Variants in ST6GALNAC5 observed in about 807,000 individuals in gnomAD.
ST6GALNAC5 encodes the protein alpha-N-acetylgalactosaminide alpha-2,6-sialyltransferase 5.
ST6GALNAC5 carries 27 observed loss-of-function variants against 33.6 expected under a neutral mutation model. The ratio of observed to expected loss-of-function variants is 0.80; its 90% CI spans 0.59 to 1.11. The LOEUF (loss-of-function observed/expected upper bound fraction) is 1.11, where lower values mean the gene tolerates loss of function less well. Among genes scored for constraint, ST6GALNAC5 ranks in the 50% least tolerant of loss-of-function variants. The pLI, the probability that ST6GALNAC5 is intolerant of heterozygous loss-of-function variation, is 0.00. For synonymous variants in ST6GALNAC5, 194 were observed against 171.2 expected (o/e 1.13, Z -1.04); for missense variants, 428 against 454.0 (o/e 0.94, Z 0.52).
intron 2 of ST6GALNAC5, among the ~76,000 whole-genome samples, chr1:76,870,487 C>G (rs1051803149): frequency 3.3e-5 from 5 of 152,146 alleles, no homozygotes; most frequent in African/African-American, 1.2e-4. Context: ...CAGACACCAG[C>G]TAAGAATATT....
chr1:76,948,280 C>T (rs1410098701), intron 2 of ST6GALNAC5, among the ~76,000 whole-genome samples: 1 of 152,096 alleles, frequency 6.6e-6, no homozygotes, highest in African/African-American at 2.4e-5. Context: ...GGGTGGCCCA[C>T]AAGAGGATGT....
chr1:76,917,230 C>G (rs878963878), intron 2 of ST6GALNAC5, among the ~76,000 whole-genome samples: 6 of 152,080 alleles, frequency 3.9e-5, no homozygotes, highest in African/African-American at 1.2e-4. Flanking sequence ...TTGACTTTAA[C>G]CTAGAATGAG....
intron 2 of ST6GALNAC5, among the ~76,000 whole-genome samples, chr1:76,900,529 A>G (rs1646807764): frequency 6.6e-6 from 1 of 152,214 alleles, no homozygotes; most frequent in Non-Finnish European, 1.5e-5. Flanking sequence ...GCAAAATAAA[A>G]TGTTTATCAA....
chr1:77,056,334 A>G (rs1282281658), intron 4 of ST6GALNAC5, among the ~76,000 whole-genome samples: 1 of 152,192 alleles, frequency 6.6e-6, no homozygotes, highest in African/African-American at 2.4e-5. Context: ...TCCATTATAA[A>G]TTATTTGTGA....
intron 3 of ST6GALNAC5, among the ~76,000 whole-genome samples, chr1:77,048,238 C>T (rs759388018): frequency 1.8e-4 from 27 of 152,142 alleles, no homozygotes; most frequent in Non-Finnish European, 3.5e-4. Flanking sequence ...AGAGTTTCTG[C>T]CCTTGGAGAA....
rs183802438 is a variant in ST6GALNAC5 at position 76,900,951 on chromosome 1, A to G, written c.261+32209A>G. 5.1e-3 allele frequency among the ~76,000 whole-genome samples: 779 copies of G among 152,322 alleles called. 2 individuals are homozygous for G. Among genetic ancestry groups the G allele is most frequent in the Non-Finnish European group, 8.4e-3 (572 of 68,024 alleles). On this transcript the variant is annotated intron_variant, in intron 2 of 4. Transcript: ENST00000477717. ...GAACATCAGTGTTTTAGCAAATAAG[A>G]TATTATTTACAGTGAGCACATTGTT...
At chr1:76,992,749 C>T (rs1009820154) in intron 2 of ST6GALNAC5, among the ~76,000 whole-genome samples, 10 of 152,176 alleles carry the variant, frequency 6.6e-5, no homozygotes, top group African/African-American at 2.4e-4. Context: ...CCCACCTCGG[C>T]CTTCCAAAGT....
intron 2 of ST6GALNAC5, among the ~76,000 whole-genome samples, chr1:76,935,779 C>T (rs77511132): frequency 3.2e-3 from 493 of 152,058 alleles, no homozygotes; most frequent in African/African-American, 0.012. Flanking sequence ...TAATTTAAAT[C>T]ATTTTGATGC....
chr1:76,942,029 A>AGAT (rs1346689364), intron 2 of ST6GALNAC5, among the ~76,000 whole-genome samples: 2 of 152,108 alleles, frequency 1.3e-5, no homozygotes, highest in East Asian at 3.9e-4. Flanking sequence ...GGAGTGAGTG[A>AGAT]GATGAAAGTA....
intron 2 of ST6GALNAC5, among the ~76,000 whole-genome samples, chr1:76,987,653 C>A (rs1330519418): frequency 6.6e-6 from 1 of 152,124 alleles, no homozygotes; most frequent in East Asian, 1.9e-4. Flanking sequence ...TTCATAGCAG[C>A]ACCAGACACA....
At chr1:76,930,859 A>C (rs1052531834) in intron 2 of ST6GALNAC5, among the ~76,000 whole-genome samples, 3 of 152,114 alleles carry the variant, frequency 2.0e-5, no homozygotes, top group African/African-American at 7.2e-5. Context: ...CCTATATATA[A>C]AGGGAAGATA....
intron 2 of ST6GALNAC5, among the ~76,000 whole-genome samples, chr1:76,896,613 A>T (rs747656495): frequency 6.6e-6 from 1 of 152,136 alleles, no homozygotes; most frequent in Non-Finnish European, 1.5e-5. Context: ...AGAGAGATAC[A>T]GTCATGGGGG....
chr1:76,971,683 T>C (rs2100366063), intron 2 of ST6GALNAC5, among the ~76,000 whole-genome samples: 1 of 152,308 alleles, frequency 6.6e-6, no homozygotes, highest in Admixed American at 6.5e-5. Context: ...ATACTCACAT[T>C]AGTGTACAGT....
At chr1:76,885,934 G>C (rs1219267564) in intron 2 of ST6GALNAC5, among the ~76,000 whole-genome samples, 1 of 152,182 alleles carries the variant, frequency 6.6e-6, no homozygotes, top group East Asian at 1.9e-4. Context: ...TACTTGGAGG[G>C]TATGGCCTGC....
chr1:77,047,041 C>G (rs565824751), intron 3 of ST6GALNAC5, among the ~76,000 whole-genome samples: 5 of 152,230 alleles, frequency 3.3e-5, no homozygotes, highest in Non-Finnish European at 7.3e-5. Context: ...TCTTCCTGGT[C>G]GTCCTGGCTG....
chr1:76,958,934 G>T (rs977555685), intron 2 of ST6GALNAC5, among the ~76,000 whole-genome samples: 5 of 152,098 alleles, frequency 3.3e-5, no homozygotes, highest in African/African-American at 1.2e-4. Flanking sequence ...CCTCTCAGGT[G>T]TGACATTTTC....
chr1:76,933,763 C>CAAAAAA (rs35621324), intron 2 of ST6GALNAC5, among the ~76,000 whole-genome samples: 3 of 67,614 alleles, frequency 4.4e-5, no homozygotes, highest in African/African-American at 1.2e-4. Flanking sequence ...TTTTCTCTGC[C>CAAAAAA]AAAAAAAAAA....
At chr1:77,042,268 C>T (rs1378808729) in intron 2 of ST6GALNAC5, among the ~76,000 whole-genome samples, 1 of 152,164 alleles carries the variant, frequency 6.6e-6, no homozygotes, top group East Asian at 1.9e-4. Context: ...CCTTTGTGCC[C>T]CCAGCTTTGC....
chr1:77,032,512 G>A (rs1485508888), intron 2 of ST6GALNAC5, among the ~76,000 whole-genome samples: 1 of 152,142 alleles, frequency 6.6e-6, no homozygotes, highest in Non-Finnish European at 1.5e-5. Flanking sequence ...GATATGAGGG[G>A]AGAGGCACTG....
Sources: allele counts gnomAD v4.1 joint callset (sites outside exome capture counted in the v4.1 genomes callset), GRCh38; gene constraint gnomAD v4.1.1; transcripts MANE v1.5; gene names NCBI Gene and HGNC (gene_info 2026-07-23, HGNC 2026-07-21).